The following SNTG2 variants were observed in gnomAD, a reference collection of about 807,000 sequenced individuals.
SNTG2 encodes the protein syntrophin gamma 2, also known as gamma-2-syntrophin.
In SNTG2, 74 loss-of-function variants were observed where a neutral mutation model predicts 70.9. That is an observed-to-expected ratio of 1.04 (90% confidence interval 0.86 to 1.27). The LOEUF (loss-of-function observed/expected upper bound fraction) is 1.27. Ranked by LOEUF, SNTG2 falls within the 50% of genes most tolerant of loss-of-function variation. The pLI is 0.00. For synonymous variants in SNTG2, 278 were observed against 273.8 expected (o/e 1.02, Z -0.15); for missense variants, 717 against 690.7 (o/e 1.04, Z -0.43).
intron 1 of SNTG2, among the ~76,000 whole-genome samples, chr2:962,126 A>G (rs901451302): frequency 6.6e-6 from 1 of 152,204 alleles, no homozygotes; most frequent in East Asian, 1.9e-4. Flanking sequence ...GTGCAGTGGC[A>G]TGATCATAGC....
chr2:1,215,773 C>A (rs1161813806), intron 9 of SNTG2, among the ~76,000 whole-genome samples: 1 of 144,876 alleles, frequency 6.9e-6, no homozygotes, highest in Non-Finnish European at 1.5e-5. Context: ...TCTCATTGTT[C>A]AATTCCCACC....
At chr2:1,093,677 T>TCA in intron 2 of SNTG2, among the ~76,000 whole-genome samples, 1 of 152,240 alleles carries the variant, frequency 6.6e-6, no homozygotes, top group Non-Finnish European at 1.5e-5. Flanking sequence ...AAAATAACGA[T>TCA]TTTTCATGGA....
chr2:1,253,110 A>G (rs1677859374), intron 12 of SNTG2, among the ~76,000 whole-genome samples: 1 of 152,120 alleles, frequency 6.6e-6, no homozygotes, highest in Non-Finnish European at 1.5e-5. Flanking sequence ...GAACGTCTCA[A>G]TGCTGGTTCC....
chr2:969,350 C>CT (rs758376669), intron 1 of SNTG2, among the ~76,000 whole-genome samples: 1 of 150,480 alleles, frequency 6.6e-6, no homozygotes, highest in Non-Finnish European at 1.5e-5. Flanking sequence ...TATTCAAGCT[C>CT]TTTTTTTGTG....
At chr2:1,055,367 C>T (rs907678057) in intron 1 of SNTG2, among the ~76,000 whole-genome samples, 5 of 152,058 alleles carry the variant, frequency 3.3e-5, no homozygotes, top group Admixed American at 3.3e-4. Flanking sequence ...GAGTGGGTAC[C>T]GTTTTCTGAT....
intron 12 of SNTG2, among the ~76,000 whole-genome samples, chr2:1,249,050 T>A (rs1480166663): frequency 2.0e-5 from 3 of 152,166 alleles, no homozygotes; most frequent in Non-Finnish European, 4.4e-5. Flanking sequence ...GGTAAACTGA[T>A]TGCAGCGTCA....
intron 16 of SNTG2, among the ~76,000 whole-genome samples, chr2:1,337,971 AT>A (rs1454418617): frequency 6.6e-6 from 1 of 152,188 alleles, no homozygotes; most frequent in Non-Finnish European, 1.5e-5. Context: ...CTCATTCCCC[AT>A]TGCACGGACA....
At chr2:1,131,942 A>G (rs1668047194) in intron 4 of SNTG2, among the ~76,000 whole-genome samples, 1 of 152,066 alleles carries the variant, frequency 6.6e-6, no homozygotes. Context: ...GAGCCACCGC[A>G]CCTGGCCACT....
intron 16 of SNTG2, among the ~76,000 whole-genome samples, chr2:1,318,791 C>A (rs550012701): frequency 6.7e-6 from 1 of 148,792 alleles, no homozygotes; most frequent in African/African-American, 2.5e-5. Flanking sequence ...GGAGGAGCAC[C>A]GTAACCTTTT....
At chr2:1,365,268 CT>C (rs956417944) in intron 16 of SNTG2, among the ~76,000 whole-genome samples, 2 of 152,192 alleles carry the variant, frequency 1.3e-5, no homozygotes, top group African/African-American at 4.8e-5. Context: ...TGTAATGACG[CT>C]TTATGAAACT....
intron 14 of SNTG2, among the ~76,000 whole-genome samples, chr2:1,298,704 A>G (rs1680323654): frequency 6.6e-6 from 1 of 152,146 alleles, no homozygotes; most frequent in Non-Finnish European, 1.5e-5. Flanking sequence ...CTGAGTGTCA[A>G]CTTGATTGGC....
chr2:1,129,309 T>A (rs1225114744), intron 4 of SNTG2, among the ~76,000 whole-genome samples: 1 of 152,246 alleles, frequency 6.6e-6, no homozygotes, highest in Non-Finnish European at 1.5e-5. Context: ...TTATGATAAA[T>A]GACAAGATGA....
intron 16 of SNTG2, among the ~76,000 whole-genome samples, chr2:1,328,522 AT>A (rs1410593619): frequency 6.6e-6 from 1 of 152,152 alleles, no homozygotes; most frequent in Admixed American, 6.5e-5. Context: ...CTGTTAGAAG[AT>A]TTTTTTAGGT....
intron 14 of SNTG2, among the ~76,000 whole-genome samples, chr2:1,290,658 C>G (rs150920831): frequency 0.017 from 2,632 of 152,232 alleles, 38 homozygotes; most frequent in Non-Finnish European, 0.028. Flanking sequence ...CATGAGAACT[C>G]TATCACAAGA....
chr2:951,179 T>G, intron 1 of SNTG2, 111 bp downstream of exon 1: 7 of 451,670 alleles, frequency 1.5e-5, no homozygotes, highest in African/African-American at 2.1e-5. Flanking sequence ...CCGCGACCCC[T>G]TCCCTGTCTC....
At chr2:1,226,928 T>C (rs531738388) in intron 9 of SNTG2, among the ~76,000 whole-genome samples, 1 of 152,342 alleles carries the variant, frequency 6.6e-6, no homozygotes, top group South Asian at 2.1e-4. Context: ...ACATGAGGAA[T>C]TTGAGCCCAT....
chr2:1,135,114 G>T (rs185792526), intron 4 of SNTG2, among the ~76,000 whole-genome samples: 4 of 152,284 alleles, frequency 2.6e-5, no homozygotes, highest in Admixed American at 6.5e-5. Flanking sequence ...ATGTCTGGAG[G>T]CGGCTTCTGA....
intron 16 of SNTG2, among the ~76,000 whole-genome samples, chr2:1,351,655 G>A (rs1660588036): frequency 6.6e-6 from 1 of 152,164 alleles, no homozygotes; most frequent in South Asian, 2.1e-4. Context: ...ATCCAGCCGG[G>A]CTCAACAGCC....
chr2:1,074,878 A>C (rs1354664195), intron 1 of SNTG2, among the ~76,000 whole-genome samples: 1 of 152,246 alleles, frequency 6.6e-6, no homozygotes, highest in Non-Finnish European at 1.5e-5. Flanking sequence ...AGTTTTTAGG[A>C]ATGTATCCAT....
Sources: allele counts gnomAD v4.1 joint callset (sites outside exome capture counted in the v4.1 genomes callset), GRCh38; gene constraint gnomAD v4.1.1; transcripts MANE v1.5; gene names NCBI Gene and HGNC (gene_info 2026-07-23, HGNC 2026-07-21).